CACNA1E: variants seen among roughly 807,000 people sequenced by gnomAD.
CACNA1E encodes the protein voltage-dependent R-type calcium channel subunit alpha-1E.
In CACNA1E, 40 loss-of-function variants were observed where a neutral mutation model predicts 259.2. The ratio of observed to expected loss-of-function variants is 0.15; its 90% CI spans 0.12 to 0.20. CACNA1E has a LOEUF of 0.20. Among genes scored for constraint, CACNA1E ranks in the 10% least tolerant of loss-of-function variants. The pLI, the probability that CACNA1E is intolerant of heterozygous loss-of-function variation, is 1.00. For missense variants in CACNA1E, 1,874 were observed against 3,040.1 expected (o/e 0.62, Z 9.02); for synonymous variants, 1,104 against 1,138.5 (o/e 0.97, Z 0.61).
chr1:181,752,829 T>C (rs1657715743), intron 27 of CACNA1E, among the ~76,000 whole-genome samples: 1 of 152,204 alleles, frequency 6.6e-6, no homozygotes, highest in African/African-American at 2.4e-5. Context: ...ACTAGGTATC[T>C]TACCCAGATT....
intron 2 of CACNA1E, among the ~76,000 whole-genome samples, chr1:181,430,536 T>C (rs1187967283): frequency 6.6e-6 from 1 of 152,072 alleles, no homozygotes; most frequent in African/African-American, 2.4e-5. Flanking sequence ...CAAGTTCCCA[T>C]GGAGCCCACT....
chr1:181,443,947 T>C (rs896300926), intron 2 of CACNA1E, among the ~76,000 whole-genome samples: 4 of 152,250 alleles, frequency 2.6e-5, no homozygotes, highest in Non-Finnish European at 5.9e-5. Context: ...TTACTGAAGA[T>C]TTTCTGGGGC....
At chr1:181,794,500 T>C (rs1479569757) in intron 45 of CACNA1E, among the ~76,000 whole-genome samples, 1 of 152,116 alleles carries the variant, frequency 6.6e-6, no homozygotes, top group Non-Finnish European at 1.5e-5. Flanking sequence ...TCTTAGACAA[T>C]TGCCCTCACA....
At chr1:181,745,635 A>G (rs913360278) in intron 25 of CACNA1E, among the ~76,000 whole-genome samples, 1 of 152,154 alleles carries the variant, frequency 6.6e-6, no homozygotes, top group Admixed American at 6.5e-5. Flanking sequence ...GGGACCATCA[A>G]CACAGATCAT....
intron 6 of CACNA1E, among the ~76,000 whole-genome samples, chr1:181,627,643 G>A (rs955028590): frequency 2.6e-5 from 4 of 152,196 alleles, no homozygotes; most frequent in African/African-American, 9.6e-5. Context: ...CAGCACAGTG[G>A]TTCAGGGTAA....
chr1:181,638,224 A>G (rs1403519758), intron 6 of CACNA1E, among the ~76,000 whole-genome samples: 10 of 152,216 alleles, frequency 6.6e-5, no homozygotes, highest in Non-Finnish European at 1.5e-5. Context: ...TTGCTGTGAC[A>G]GTCTTCCAAC....
intron 7 of CACNA1E, among the ~76,000 whole-genome samples, chr1:181,669,819 G>A (rs1157560493): frequency 2.6e-5 from 4 of 152,172 alleles, no homozygotes; most frequent in Admixed American, 1.3e-4. Flanking sequence ...GAAGAGCAGA[G>A]CACAAGGCAC....
rs977129003 is a variant in CACNA1E at position 181,359,126 on chromosome 1, T to G, written c.-15+41003T>G. On this transcript the variant is annotated intron_variant, in intron 1 of 11. Transcript: ENST00000524607. ...ATAGAGGCTTGGCCTGATCATTCAC[T>G]GAACAGGTATTTATGGAACACTGGG... Among the ~76,000 whole-genome samples, 5 of 152,224 alleles carry G rather than the reference T, an allele frequency of 3.3e-5. No individual in the cohort carries two copies. In the East Asian group the frequency reaches 9.6e-4, roughly 29 times the overall value.
chr1:181,515,383 A>T (rs1341244761), intron 3 of CACNA1E, among the ~76,000 whole-genome samples: 2 of 152,124 alleles, frequency 1.3e-5, no homozygotes, highest in Non-Finnish European at 2.9e-5. Flanking sequence ...GTTCCAGCTG[A>T]TTTCTTCCTT....
chr1:181,612,701 A>G (rs1427313604), intron 6 of CACNA1E, among the ~76,000 whole-genome samples: 1 of 152,160 alleles, frequency 6.6e-6, no homozygotes, highest in Non-Finnish European at 1.5e-5. Context: ...ATGCACAGAG[A>G]TATCATATTC....
At chr1:181,466,645 C>T (rs997260266) in intron 2 of CACNA1E, among the ~76,000 whole-genome samples, 8 of 152,296 alleles carry the variant, frequency 5.3e-5, no homozygotes, top group African/African-American at 1.9e-4. Context: ...GGACTAGTTA[C>T]TGCCTATGGG....
At position 181,635,400 on chromosome 1, in the gene CACNA1E, C is replaced by T. The variant is rs187626085; in HGVS notation, c.952-15938C>T. ...GTCACCCACTCCTCTTCTCCTCCCT[C>T]TCCATCTCTCCCCACAGCCTTCTGT... On this transcript the variant is annotated intron_variant, in intron 6 of 47. Transcript: ENST00000367573. 2.0e-3 allele frequency among the ~76,000 whole-genome samples: 301 copies of T among 152,240 alleles called. 2 individuals carry two copies. Among genetic ancestry groups the T allele is most frequent in the African/African-American group, 6.9e-3 (287 of 41,532 alleles).
At chr1:181,737,849 G>T (rs1400455239) in intron 23 of CACNA1E, among the ~76,000 whole-genome samples, 195 bp downstream of exon 23, 2 of 152,176 alleles carry the variant, frequency 1.3e-5, no homozygotes, top group East Asian at 3.9e-4. Flanking sequence ...ATACTACAAG[G>T]CTCTGCCCCA....
At chr1:181,661,435 G>C (rs1166680623) in intron 7 of CACNA1E, among the ~76,000 whole-genome samples, 4 of 152,244 alleles carry the variant, frequency 2.6e-5, no homozygotes, top group African/African-American at 7.2e-5. Flanking sequence ...GGGACTGTGT[G>C]GGTATGTCTG....
rs537628921 is a variant in CACNA1E at position 181,548,129 on chromosome 1, C to CTTTTTTTTCTT, written c.513-29629_513-29628insCTTTTTTTTTT. On this transcript the variant is annotated intron_variant, in intron 3 of 47. Coordinates refer to ENST00000367573, the MANE Select transcript of CACNA1E (RefSeq NM_001205293.3). ...TCTGTTCCCATAACACTTTTTTTTT[C>CTTTTTTTTCTT]TTTTTTTTTTTTTGAGTCAGGGTCT... 1.3e-3 allele frequency among the ~76,000 whole-genome samples: 170 copies of CTTTTTTTTCTT among 133,348 alleles called. 1 individual carries two copies. The highest frequency in any genetic ancestry group is 9.9e-3 in the East Asian group (48 of 4,828). 87.5% of individuals were successfully genotyped at this position (133,348 alleles called of 152,430 possible).
intron 2 of CACNA1E, among the ~76,000 whole-genome samples, chr1:181,418,563 C>T (rs1658460498): frequency 6.6e-6 from 1 of 152,190 alleles, no homozygotes; most frequent in Non-Finnish European, 1.5e-5. Flanking sequence ...CACTTATTCA[C>T]CATCTTTACT....
At chr1:181,663,802 C>A (rs1558241271) in intron 7 of CACNA1E, among the ~76,000 whole-genome samples, 1 of 152,244 alleles carries the variant, frequency 6.6e-6, no homozygotes, top group East Asian at 1.9e-4. Flanking sequence ...ATATTTTTTT[C>A]TTTGAGTTAA....
chr1:181,544,400 TA>T (rs5779107), intron 3 of CACNA1E, among the ~76,000 whole-genome samples: 25,493 of 148,602 alleles, frequency 0.17, 3,229 homozygotes, highest in African/African-American at 0.35. Flanking sequence ...CTGAATATAC[TA>T]AAAAAAAAAA....
At chr1:181,704,149 C>A (rs564745254) in intron 7 of CACNA1E, among the ~76,000 whole-genome samples, 23 of 152,236 alleles carry the variant, frequency 1.5e-4, no homozygotes, top group Non-Finnish European at 2.6e-4. Context: ...TCCTTAAATC[C>A]TTTCTGGAAC....
Sources: allele counts gnomAD v4.1 joint callset (sites outside exome capture counted in the v4.1 genomes callset), GRCh38; gene constraint gnomAD v4.1.1; transcripts MANE v1.5; gene names NCBI Gene and HGNC (gene_info 2026-07-23, HGNC 2026-07-21).